The following STRN variants were observed in gnomAD, a reference collection of about 807,000 sequenced individuals.
The protein encoded by STRN is striatin, also known as protein phosphatase 2 regulatory subunit B'''alpha.
In STRN, 53 loss-of-function variants were observed where a neutral mutation model predicts 96.3. The observed-to-expected ratio is 0.55, with a 90% CI of 0.44 to 0.69. The LOEUF (loss-of-function observed/expected upper bound fraction) is 0.69. STRN is among the 30% of genes least tolerant of loss of function. STRN has a pLI of 0.00. For synonymous variants in STRN, 428 were observed against 355.9 expected, an observed-to-expected ratio of 1.20 and a Z score of -2.28; for missense variants, 987 against 963.9, an observed-to-expected ratio of 1.02 and a Z score of -0.32.
chr2:36,876,048 TG>T (rs1668900762), intron 10 of STRN, among the ~76,000 whole-genome samples: 1 of 152,132 alleles, frequency 6.6e-6, no homozygotes, highest in Non-Finnish European at 1.5e-5. Context: ...GCAGGTGAAC[TG>T]CTTGAGCTTA....
rs7583071 is a variant in STRN, at chr2:36,925,229, A to C, written c.235-21T>G. ...TGGGCCTGAGTAGGGGAAAGACAGAAAAAATTCAGTTTAGACCAAAAAAAA... is the reference window on the plus strand; with the variant it reads ...TGGGCCTGAGTAGGGGAAAGACAGACAAAATTCAGTTTAGACCAAAAAAAA... On this transcript the variant is annotated intron_variant, in intron 1 of 17. Transcript: ENST00000263918. 0.069 allele frequency: 110,072 copies of C among 1,598,828 alleles called. 7,986 individuals carry two copies. The highest frequency in any genetic ancestry group is 0.37 in the African/African-American group (27,222 of 73,990).
chr2:36,941,818 G>A (rs1246216132), intron 1 of STRN, among the ~76,000 whole-genome samples: 6 of 151,738 alleles, frequency 4.0e-5, no homozygotes, highest in Admixed American at 3.9e-4. Flanking sequence ...CTCCCAAAGT[G>A]CTGGGATTAC....
intron 1 of STRN, among the ~76,000 whole-genome samples, chr2:36,948,991 T>C (rs1479471716): frequency 6.6e-6 from 1 of 152,230 alleles, no homozygotes; most frequent in Non-Finnish European, 1.5e-5. Flanking sequence ...TGTTGAACAA[T>C]GACACTTCAG....
At chr2:36,855,868 T>C (rs746490535) in intron 14 of STRN, among the ~76,000 whole-genome samples, 3 of 152,180 alleles carry the variant, frequency 2.0e-5, no homozygotes, top group African/African-American at 4.8e-5. Flanking sequence ...ATACAGAAGG[T>C]ATTTTTATTT....
chr2:36,958,325 A>T lies in STRN; in HGVS notation c.234+7905T>A, dbSNP rs1346677338. Among the ~76,000 whole-genome samples the T allele has an allele frequency of 2.6e-5, 4 of 152,310 alleles. No homozygotes were observed. The East Asian group carries it at 7.7e-4, about 29-fold the overall frequency. Reference sequence around the variant, plus strand: ...AACCAGCAGAGACAACAGACCACACAAAGGCACCTCTAAGACCTCAGATAA... The same window carrying T: ...AACCAGCAGAGACAACAGACCACACTAAGGCACCTCTAAGACCTCAGATAA... On this transcript the variant is annotated intron_variant, in intron 1 of 17. Coordinates refer to ENST00000263918, the MANE Select transcript of STRN (RefSeq NM_003162.4).
intron 2 of STRN, among the ~76,000 whole-genome samples, chr2:36,923,032 C>A (rs1465760238): frequency 6.6e-6 from 1 of 151,624 alleles, no homozygotes; most frequent in East Asian, 1.9e-4. Context: ...ATCCCAGCTA[C>A]TTGGGAGGCT....
intron 15 of STRN, among the ~76,000 whole-genome samples, chr2:36,851,687 C>G (rs1668226657): frequency 6.6e-6 from 1 of 152,172 alleles, no homozygotes; most frequent in South Asian, 2.1e-4. Context: ...TAACGCTGTT[C>G]ATTCTACAAT....
At chr2:36,956,079 G>C (rs1023413077) in intron 1 of STRN, among the ~76,000 whole-genome samples, 1 of 152,146 alleles carries the variant, frequency 6.6e-6, no homozygotes, top group African/African-American at 2.4e-5. Context: ...TTTTGAATTT[G>C]GGGTTTTTGG....
In STRN at chr2:36,950,292, C is replaced by T. The variant is rs534723765; in HGVS notation, c.234+15938G>A. On this transcript the variant is annotated intron_variant, in intron 1 of 17. Coordinates refer to ENST00000263918, the MANE Select transcript of STRN (RefSeq NM_003162.4). ...GTGCAGTGGCTTGATCTCGGCTCAC[C>T]GCAACCTCCGTCTCTCAAGTTCAAG... 1.9e-3 allele frequency among the ~76,000 whole-genome samples: 279 copies of T among 149,056 alleles called. 3 individuals are homozygous for T. The highest frequency in any genetic ancestry group is 6.6e-3 in the African/African-American group (270 of 40,826).
chr2:36,840,238 G>C lies in STRN; in HGVS notation c.*9218C>G, dbSNP rs550608512. The C allele has an allele frequency of 6.6e-6, 1 of 152,404 alleles. No homozygotes were observed. The highest frequency in any genetic ancestry group is 3.3e-3 in the Middle Eastern group (1 of 300). The allele number at this position is 152,404 out of a possible 1,614,324, so 9.4% of individuals were successfully genotyped here. A position where few individuals can be genotyped will look rare whatever the true frequency, so the allele number is the denominator to read the frequency against. On this transcript the variant is annotated 3_prime_UTR_variant, in exon 18 of 18. Coordinates refer to ENST00000263918, the MANE Select transcript of STRN (RefSeq NM_003162.4). ...CAGGCTCAGGTTCCAGGCTAGAAAA[G>C]CTCCCTTTCAACTGATCAGAGGCCA...
Position 36,884,020 on chromosome 2 carries a change from T to G in STRN, c.1098A>C (p.Glu366Asp). ...DMLANLRDVD[E>D]LPSLQPSVGS... The stretch of plus-strand genomic sequence containing the variant: ...CCACAGATGGCTGCAATGAAGGAAG[T>G]TCATCAACATCTCTCAAATTAGCAA... The change falls in exon 9 of 18, where the codon GAA (glutamate) becomes GAC (aspartate). Residue 366 changes from glutamate to aspartate, a missense_variant. By Grantham distance (45) the Glu-to-Asp change is conservative. Coordinates refer to ENST00000263918, the MANE Select transcript of STRN (RefSeq NM_003162.4). 1 of 1,440,890 alleles carries G rather than the reference T, an allele frequency of 6.9e-7. No individual in the cohort carries two copies. The highest frequency in any genetic ancestry group is 9.2e-7 in the Non-Finnish European group (1 of 1,090,826). 89.3% of individuals were successfully genotyped at this position (1,440,890 alleles called of 1,614,324 possible). A position where few individuals can be genotyped will look rare whatever the true frequency, so the allele number is the denominator to read the frequency against.
rs1667889232 is a variant in STRN at position 36,839,206 on chromosome 2, A to C, written c.*10250T>G. On this transcript the variant is annotated 3_prime_UTR_variant, in exon 18 of 18. Transcript: ENST00000263918. ...TCATTTCTGTCACTTTCTTAACCTG[A>C]AAAACATCAAATCATCCCCCTTCCC... 6.6e-6 allele frequency among the ~76,000 whole-genome samples: 1 copy of C among 152,136 alleles called. No homozygotes were observed. The highest frequency in any genetic ancestry group is 1.5e-5 in the Non-Finnish European group (1 of 68,016).
At chr2:36,852,155 T>C (rs1236615632) in intron 15 of STRN, among the ~76,000 whole-genome samples, 1 of 152,200 alleles carries the variant, frequency 6.6e-6, no homozygotes, top group Non-Finnish European at 1.5e-5. Context: ...TCAAAATTGG[T>C]TCCTAAATGA....
intron 1 of STRN, among the ~76,000 whole-genome samples, chr2:36,935,558 A>C (rs2372787): frequency 0.095 from 14,430 of 152,230 alleles, 764 homozygotes; most frequent in South Asian, 0.16. Context: ...AAGCCCTCTA[A>C]AGGCAGAAGC....
At chr2:36,881,832 G>T (rs927833584) in intron 9 of STRN, among the ~76,000 whole-genome samples, 3 of 152,162 alleles carry the variant, frequency 2.0e-5, no homozygotes, top group Non-Finnish European at 4.4e-5. Flanking sequence ...TTTGAATTAT[G>T]AGAATAAGAG....
intron 8 of STRN, among the ~76,000 whole-genome samples, chr2:36,885,611 G>T (rs1244157879): frequency 2.6e-5 from 4 of 152,026 alleles, no homozygotes; most frequent in Non-Finnish European, 4.4e-5. Flanking sequence ...AACAGACACT[G>T]ACTTTTTATC....
chr2:36,881,281 C>G (rs1669062299), intron 9 of STRN, among the ~76,000 whole-genome samples: 1 of 152,018 alleles, frequency 6.6e-6, no homozygotes, highest in African/African-American at 2.4e-5. Flanking sequence ...GCACACGCCA[C>G]CATGTCCAGC....
intron 2 of STRN, among the ~76,000 whole-genome samples, chr2:36,916,589 A>G (rs1040840067): frequency 1.3e-5 from 2 of 152,196 alleles, no homozygotes; most frequent in African/African-American, 4.8e-5. Flanking sequence ...GTCATCTACA[A>G]TATTATATGA....
chr2:36,953,691 C>T (rs528941089), intron 1 of STRN, among the ~76,000 whole-genome samples: 4 of 152,144 alleles, frequency 2.6e-5, no homozygotes, highest in Admixed American at 6.5e-5. Flanking sequence ...CGTGAGCCAC[C>T]GTGCCAGGCC....
Sources: gnomAD v4.1 joint callset for allele counts (sites outside exome capture counted in the v4.1 genomes callset) on GRCh38, gnomAD v4.1.1 for gene constraint, MANE v1.5 for transcripts, NCBI Gene and HGNC (gene_info 2026-07-23, HGNC 2026-07-21) for gene names.